Variants in NLRP9 observed in about 807,000 individuals in gnomAD.
The protein encoded by NLRP9 is NLR family pyrin domain containing 9.
A neutral mutation model predicts 83.1 loss-of-function variants in NLRP9; 88 were observed. The observed-to-expected ratio is 1.06, with a 90% CI of 0.89 to 1.26. The LOEUF (loss-of-function observed/expected upper bound fraction) is 1.26, where lower values mean the gene tolerates loss of function less well. Ranked by LOEUF, NLRP9 falls within the 50% of genes most tolerant of loss-of-function variation. The pLI is 0.00. For synonymous variants in NLRP9, 521 were observed against 447.6 expected (o/e 1.16, Z -2.07); for missense variants, 1,308 against 1,179.3 (o/e 1.11, Z -1.60).
intron 6 of NLRP9, among the ~76,000 whole-genome samples, chr19:55,713,001 A>G (rs1385339806): frequency 2.1e-5 from 3 of 141,786 alleles, no homozygotes; most frequent in East Asian, 2.1e-4. Flanking sequence ...GGAAGCAGCA[A>G]TGACTTCCCA....
intron 6 of NLRP9, among the ~76,000 whole-genome samples, chr19:55,713,982 T>C (rs535994057): frequency 7.2e-6 from 1 of 139,792 alleles, no homozygotes; most frequent in African/African-American, 2.7e-5. Context: ...ACAGAATGAA[T>C]TGGGCTAAAA....
At position 55,726,851 on chromosome 19, in the gene NLRP9, AG is replaced by A. The variant is rs555467534; in HGVS notation, c.1995-2708del. The stretch of plus-strand genomic sequence containing the variant: ...TTATCATTCATATACACAACAGAAA[AG>A]AGAAGGAAAAACATTTTTCAATTTC... On this transcript the variant is annotated intron_variant, in intron 3 of 8. Transcript: ENST00000332836. 5.9e-5 allele frequency among the ~76,000 whole-genome samples: 9 copies of A among 152,304 alleles called. No individual in the cohort carries two copies. The East Asian group carries it at 1.5e-3, about 26-fold the overall frequency.
rs369349671 is a variant in NLRP9, at chr19:55,738,028, T to A, written c.280+67A>T. On this transcript the variant is annotated intron_variant, in intron 1 of 8. Transcript: ENST00000332836. ...TCTGATGGAGGGGGTGGCCACTCAT[T>A]TAACAATGCTATCACCTTGTTCCCA... is the stretch of plus-strand genomic sequence containing the variant. The A allele has an allele frequency of 3.0e-3, 4,465 of 1,475,678 alleles. 149 individuals are homozygous for A. In the South Asian group the frequency reaches 0.049, roughly 16 times the overall value. 91.4% of individuals were successfully genotyped at this position (1,475,678 alleles called of 1,614,324 possible).
At chr19:55,728,552 A>G (rs1988468233) in intron 3 of NLRP9, among the ~76,000 whole-genome samples, 1 of 152,108 alleles carries the variant, frequency 6.6e-6, no homozygotes. Context: ...AGCCTGGGCA[A>G]CAAGAGCGAA....
At chr19:55,737,988 C>T in intron 1 of NLRP9, 107 bp downstream of exon 1, 2 of 1,072,382 alleles carry the variant, frequency 1.9e-6, no homozygotes, top group Non-Finnish European at 2.8e-6. Context: ...TCACCTTGAC[C>T]CACACACATT....
Position 55,716,892 on chromosome 19 carries a change from T to G in NLRP9, c.2166A>C (p.Gly722=). The G allele has an allele frequency of 6.2e-7, 1 of 1,613,520 alleles. No individual in the cohort carries two copies. The highest frequency in any genetic ancestry group is 8.5e-7 in the Non-Finnish European group (1 of 1,179,690). ...PMCKIEELIL[G]KCDISSEVCE... ...AAACTTCACTGGAGATGTCACACTTTCCCAGTCTACATGTGAAACACACAC... is the reference window on the plus strand; with the variant it reads ...AAACTTCACTGGAGATGTCACACTTGCCCAGTCTACATGTGAAACACACAC... Residue 722 remains glycine, a synonymous_variant, in exon 5 of 9, where the codon GGA becomes GGC. Coordinates refer to ENST00000332836, the MANE Select transcript of NLRP9 (RefSeq NM_176820.4).
At chr19:55,727,117 T>TG (rs1246798807) in intron 3 of NLRP9, among the ~76,000 whole-genome samples, 2 of 151,970 alleles carry the variant, frequency 1.3e-5, no homozygotes, top group Middle Eastern at 3.2e-3. Flanking sequence ...CCAGGTGTGG[T>TG]GGGGGGCACC....
At chr19:55,709,127 C>A in intron 8 of NLRP9, 83 bp from the exon 9 acceptor site, 1 of 922,882 alleles carries the variant, frequency 1.1e-6, no homozygotes, top group Non-Finnish European at 1.6e-6. Context: ...GTCTACCTCT[C>A]CTCTCCTCTT....
At position 55,733,151 on chromosome 19, in the gene NLRP9, A is replaced by G. The variant is rs761065436; in HGVS notation, c.680T>C (p.Met227Thr). The change falls in exon 2 of 9, where the codon ATG (methionine) becomes ACG (threonine). Residue 227 changes from methionine (M) to threonine (T), a missense_variant. By Grantham distance (81) the Met-to-Thr change is moderately conservative. Transcript: ENST00000332836. ...AAACTTCAGTTGCTCAAAGCCATCC[A>G]TGATGAACAGAATTCTCTCTGGCTG... The part of the protein sequence containing the change: ...FSQPERILFI[M>T]DGFEQLKFNL... The G allele has an allele frequency of 1.2e-6, 2 of 1,614,204 alleles. No homozygotes were observed. The highest frequency in any genetic ancestry group is 1.7e-6 in the Non-Finnish European group (2 of 1,180,034).
rs1263415383 is a variant in NLRP9, at chr19:55,711,871, G to C, written c.2772C>G (p.Ala924=). 6.2e-7 allele frequency: 1 copy of C among 1,613,406 alleles called. No individual in the cohort carries two copies. Among genetic ancestry groups the C allele is most frequent in the Non-Finnish European group, 8.5e-7 (1 of 1,179,964 alleles). The part of the protein sequence containing the change: ...TLRSLNLDWI[A]LDADAVVVLC... ...GCACCACCACTGCATCAGCATCCAA[G>C]GCAATCCAGTCGAGGTTCAGGCTCC... Residue 924 remains alanine (A), a synonymous_variant, in exon 8 of 9, where the codon GCC becomes GCG. Coordinates refer to ENST00000332836, the MANE Select transcript of NLRP9 (RefSeq NM_176820.4).
Position 55,708,968 on chromosome 19 carries a change from T to A in NLRP9, c.2920A>T (p.Ile974Phe). 6.3e-7 allele frequency: 1 copy of A among 1,591,214 alleles called. No homozygotes were observed. The highest frequency in any genetic ancestry group is 1.2e-5 in the South Asian group (1 of 86,262). ...TCGTCAATCCAAGGTCCATGTGAAA[T>A]GGTCAGATGGGGAATTTTTTCTTCC... ...SVEEKIPHLTISHGPWIDEEY... is the reference protein window; with the variant it reads ...SVEEKIPHLTFSHGPWIDEEY... Residue 974 changes from isoleucine to phenylalanine, a missense_variant, in exon 9 of 9, where the codon ATT becomes TTT. Physicochemically the swap from Ile to Phe is conservative, Grantham distance 21. Coordinates refer to ENST00000332836, the MANE Select transcript of NLRP9 (RefSeq NM_176820.4).
Position 55,729,906 on chromosome 19 carries a change from G to C in NLRP9, c.1919C>G (p.Thr640Ser), listed in dbSNP as rs1490694386. The stretch of plus-strand genomic sequence containing the variant: ...CGCCAGGGAGGGATCATCGAGGCTG[G>C]TATTTTCCATGTCTAAAATCTGGAA... ...KNFQILDMEN[T>S]SLDDPSLAIL... The change falls in exon 3 of 9, where the codon ACC becomes AGC. Residue 640 changes from threonine to serine, a missense_variant. Thr to Ser is a moderately conservative substitution (Grantham distance 58, BLOSUM62 1). Coordinates refer to ENST00000332836, the MANE Select transcript of NLRP9 (RefSeq NM_176820.4). 1 of 1,613,586 alleles carries C rather than the reference G, an allele frequency of 6.2e-7. No homozygotes were observed. Among genetic ancestry groups the C allele is most frequent in the Admixed American group, 1.7e-5 (1 of 59,996 alleles).
intron 3 of NLRP9, among the ~76,000 whole-genome samples, chr19:55,724,664 G>A (rs1342906325): frequency 1.3e-5 from 2 of 152,058 alleles, no homozygotes; most frequent in African/African-American, 2.4e-5. Context: ...CAGGAAACTG[G>A]ATTTCACATT....
intron 3 of NLRP9, among the ~76,000 whole-genome samples, chr19:55,727,447 G>C (rs1988435459): frequency 6.6e-6 from 1 of 152,062 alleles, no homozygotes; most frequent in African/African-American, 2.4e-5. Flanking sequence ...ATGACTTCTT[G>C]TGCTTTGAGA....
At chr19:55,730,048 C>T (rs1003977171) in intron 2 of NLRP9, 56 bp from the exon 3 acceptor site, 16 of 1,513,730 alleles carry the variant, frequency 1.1e-5, no homozygotes, top group South Asian at 2.3e-5. Flanking sequence ...TCAAGACATT[C>T]TCAAAACAGG....
chr19:55,732,667 GT>G lies in NLRP9; in HGVS notation c.1163del (p.Asn388ThrfsTer5). 1 of 1,614,184 alleles carries G rather than the reference GT, an allele frequency of 6.2e-7. No individual in the cohort carries two copies. ...CACACAGGCTTTTTAGTCGGGCTCT[GT>G]TCACCTTAGGTGGAAAACTCTGACT... ...AGSQSFPPKV[N>X]RARLKSLCAL... On this transcript the variant is annotated frameshift_variant, in exon 2 of 9. Coordinates refer to ENST00000332836, the MANE Select transcript of NLRP9 (RefSeq NM_176820.4). LOFTEE classifies it high-confidence loss of function.
chr19:55,733,178 G>T lies in NLRP9; in HGVS notation c.653C>A (p.Ser218Tyr), dbSNP rs753526029. 1.2e-6 allele frequency: 2 copies of T among 1,613,374 alleles called. No homozygotes were observed. The highest frequency in any genetic ancestry group is 1.7e-6 in the Non-Finnish European group (2 of 1,179,812). Reference protein sequence around the residue: ...ESSEKIEDIFSQPERILFIMD... With the variant: ...ESSEKIEDIFYQPERILFIMD... ...GATGAACAGAATTCTCTCTGGCTGGGAAAAAATGTCTTCGATCTTCTCTGA... is the reference window on the plus strand; with the variant it reads ...GATGAACAGAATTCTCTCTGGCTGGTAAAAAATGTCTTCGATCTTCTCTGA... Residue 218 changes from serine to tyrosine, a missense_variant, in exon 2 of 9, where the codon TCC (serine) becomes TAC (tyrosine). Coordinates refer to ENST00000332836, the MANE Select transcript of NLRP9 (RefSeq NM_176820.4).
intron 3 of NLRP9, among the ~76,000 whole-genome samples, chr19:55,727,499 G>A (rs1248713782): frequency 6.6e-6 from 1 of 152,078 alleles, no homozygotes; most frequent in East Asian, 1.9e-4. Context: ...TGTCTTCATT[G>A]CAAGACCACT....
chr19:55,736,980 C>G (rs1334323367), intron 1 of NLRP9, among the ~76,000 whole-genome samples: 3 of 151,712 alleles, frequency 2.0e-5, no homozygotes, highest in African/African-American at 4.8e-5. Context: ...ATGAACAAAA[C>G]AGAAGTAAAC....
Sources: gnomAD v4.1 joint callset for allele counts (sites outside exome capture counted in the v4.1 genomes callset) on GRCh38, gnomAD v4.1.1 for gene constraint, MANE v1.5 for transcripts, NCBI Gene and HGNC (gene_info 2026-07-23, HGNC 2026-07-21) for gene names.